The following ATP5F1D variants were observed in gnomAD, a reference collection of about 807,000 sequenced individuals.
ATP5F1D encodes ATP synthase F(1) complex subunit delta, mitochondrial.
Under a neutral mutation model 13.0 loss-of-function variants are expected in ATP5F1D, and 16 were observed. The observed-to-expected ratio is 1.23, with a 90% CI of 0.83 to 1.87. The LOEUF (loss-of-function observed/expected upper bound fraction) is 1.87, where lower values mean the gene tolerates loss of function less well. ATP5F1D is among the 40% of genes most tolerant of loss of function. The pLI is 0.00. For missense variants in ATP5F1D, 294 were observed against 246.2 expected (o/e 1.19, Z -1.30); for synonymous variants, 129 against 116.2 (o/e 1.11, Z -0.71).
In ATP5F1D at chr19:1,241,806, G is replaced by A. The variant is rs2081038177; in HGVS notation, c.-45G>A. 3.9e-6 allele frequency: 5 copies of A among 1,289,552 alleles called. No individual in the cohort carries two copies. The highest frequency in any genetic ancestry group is 4.9e-6 in the Non-Finnish European group (5 of 1,023,386). The allele number at this position is 1,289,552 out of a possible 1,614,324, so 79.9% of individuals were successfully genotyped here. On this transcript the variant is annotated 5_prime_UTR_variant, in exon 1 of 4. Transcript: ENST00000215375. Reference sequence around the variant, plus strand: ...TCCAGGCCGCCCGCGCCGCGCCGGAGTCCGCTGTCCGCCAGCTACCCGCTT... The same window carrying A: ...TCCAGGCCGCCCGCGCCGCGCCGGAATCCGCTGTCCGCCAGCTACCCGCTT...
rs2081054245 is a variant in ATP5F1D, at chr19:1,244,586, C to G, written c.*149C>G. 3 of 1,248,654 alleles carry G rather than the reference C, an allele frequency of 2.4e-6. No individual in the cohort carries two copies. The highest frequency in any genetic ancestry group is 1.6e-5 in the South Asian group (1 of 63,452). The allele number at this position is 1,248,654 out of a possible 1,614,324, so 77.3% of individuals were successfully genotyped here. A position where few individuals can be genotyped will look rare whatever the true frequency, so the allele number is the denominator to read the frequency against. Reference sequence around the variant, plus strand: ...GGCAGTGCAGGCTTCTGCCTGGGCCCCAGGCCCTGCCTGTGTTGAAAGCTC... The same window carrying G: ...GGCAGTGCAGGCTTCTGCCTGGGCCGCAGGCCCTGCCTGTGTTGAAAGCTC... On this transcript the variant is annotated 3_prime_UTR_variant, in exon 4 of 4. Coordinates refer to ENST00000215375, the MANE Select transcript of ATP5F1D (RefSeq NM_001687.5).
Position 1,242,491 on chromosome 19 carries a change from C to T in ATP5F1D, c.177C>T (p.Asp59=), listed in dbSNP as rs1164733704. 4.5e-6 allele frequency: 7 copies of T among 1,541,186 alleles called. No homozygotes were observed. Among genetic ancestry groups the T allele is most frequent in the South Asian group, 1.2e-5 (1 of 83,546 alleles). ...ACGGTGCCAACGTCCGGCAGGTGGA[C>T]GTGCCCACGCTGACCGGAGCCTTCG... ...FFNGANVRQV[D]VPTLTGAFGI... is the part of the protein sequence containing the mutation. Residue 59 remains aspartate, a synonymous_variant, in exon 2 of 4, where the codon GAC becomes GAT. Transcript: ENST00000215375.
Position 1,244,325 on chromosome 19 carries a change from C to G in ATP5F1D, c.395C>G (p.Ala132Gly), listed in dbSNP as rs1343169081. ...LDMLDLGAAKANLEKAQAELV... is the reference protein window; with the variant it reads ...LDMLDLGAAKGNLEKAQAELV... ...CTCAACCCCTTGCAGGCAGCCAAGG[C>G]AAACTTGGAGAAGGCCCAGGCGGAG... The change falls in exon 4 of 4, where the codon GCA becomes GGA. Residue 132 changes from alanine (A) to glycine (G), a missense_variant. By Grantham distance (60) the Ala-to-Gly change is moderately conservative. Transcript: ENST00000215375. 2 of 1,593,748 alleles carry G rather than the reference C, an allele frequency of 1.3e-6. No homozygotes were observed. The highest frequency in any genetic ancestry group is 2.3e-5 in the South Asian group (2 of 88,060).
chr19:1,242,173 G>GGGCACCTCCCCGAGATA, intron 1 of ATP5F1D, 182 bp downstream of exon 1: 1 of 908,648 alleles, frequency 1.1e-6, no homozygotes, highest in Non-Finnish European at 1.5e-6. Flanking sequence ...CCCTCGTCCC[G>GGGCACCTCCCCGAGATA]GGCACCTCCC....
At chr19:1,243,209 G>A (rs2081046517) in intron 2 of ATP5F1D, 1 of 152,328 alleles carries the variant, frequency 6.6e-6, no homozygotes, top group Admixed American at 6.5e-5. Context: ...ACCAATGTAG[G>A]ATGGTCGAAG....
chr19:1,244,468 C>T lies in ATP5F1D; in HGVS notation c.*31C>T. 6.5e-7 allele frequency: 1 copy of T among 1,541,948 alleles called. No homozygotes were observed. Among genetic ancestry groups the T allele is most frequent in the Non-Finnish European group, 8.8e-7 (1 of 1,141,544 alleles). On this transcript the variant is annotated 3_prime_UTR_variant, in exon 4 of 4. Transcript: ENST00000215375. ...GCGTACCCGGTGTCCCGAGGCCCGG[C>T]CAGGGGCTGGGCAGGGATGCCAGGT...
chr19:1,242,847 C>G, intron 2 of ATP5F1D: 1 of 370,998 alleles, frequency 2.7e-6, no homozygotes, highest in Non-Finnish European at 4.5e-6. Context: ...AGAAAACTGG[C>G]CGGGTGCGGT....
rs916740784 is a variant in ATP5F1D, at chr19:1,244,564, A to G, written c.*127A>G. The G allele has an allele frequency of 7.2e-7, 1 of 1,391,442 alleles. No homozygotes were observed. Among genetic ancestry groups the G allele is most frequent in the Non-Finnish European group, 9.6e-7 (1 of 1,042,072 alleles). The allele number at this position is 1,391,442 out of a possible 1,614,324, so 86.2% of individuals were successfully genotyped here. A position where few individuals can be genotyped will look rare whatever the true frequency, so the allele number is the denominator to read the frequency against. On this transcript the variant is annotated 3_prime_UTR_variant, in exon 4 of 4. Coordinates refer to ENST00000215375, the MANE Select transcript of ATP5F1D (RefSeq NM_001687.5). ...CCTGCCAAGGAGGCCACCAGAGGGC[A>G]GTGCAGGCTTCTGCCTGGGCCCCAG...
chr19:1,242,051 A>C (rs2145471324), intron 1 of ATP5F1D, 60 bp downstream of exon 1: 2 of 1,311,170 alleles, frequency 1.5e-6, no homozygotes, highest in Non-Finnish European at 9.7e-7. Context: ...CAGGGTCCCC[A>C]CCCCCAGGGC....
At chr19:1,242,422 G>C (rs762923588) in intron 1 of ATP5F1D, 34 bp from the exon 2 acceptor site, 1 of 1,475,820 alleles carries the variant, frequency 6.8e-7, no homozygotes, top group East Asian at 2.6e-5. Context: ...GGGCCGGCCT[G>C]CCCCGCCATC....
chr19:1,243,116 A>C (rs1226527486), intron 2 of ATP5F1D: 1 of 152,870 alleles, frequency 6.5e-6, no homozygotes, highest in Non-Finnish European at 1.5e-5. Flanking sequence ...AGGTTTGTCC[A>C]CTGAGGAGCC....
rs779958824 is a variant in ATP5F1D at position 1,244,162 on chromosome 19, A to G, written c.361A>G (p.Thr121Ala). The G allele has an allele frequency of 6.2e-7, 1 of 1,612,288 alleles. No homozygotes were observed. Among genetic ancestry groups the G allele is most frequent in the Non-Finnish European group, 8.5e-7 (1 of 1,179,348 alleles). Reference protein sequence around the residue: ...SVQLLAEEAVTLDMLDLGAAK... With the variant: ...SVQLLAEEAVALDMLDLGAAK... ...GCAGTTGTTGGCCGAAGAGGCCGTG[A>G]CGCTGGACATGTTGGACCTGGGGGT... Residue 121 changes from threonine to alanine, a missense_variant, in exon 3 of 4, where the codon ACG (threonine) becomes GCG (alanine). Physicochemically the swap from Thr to Ala is moderately conservative, Grantham distance 58. Transcript: ENST00000215375.
chr19:1,243,133 G>C (rs561520564), intron 2 of ATP5F1D: 1 of 152,850 alleles, frequency 6.5e-6, no homozygotes, highest in Non-Finnish European at 1.5e-5. Context: ...AGCCTGGGCT[G>C]GCCGGTGATG....
chr19:1,242,527 G>A lies in ATP5F1D; in HGVS notation c.213G>A (p.Ala71=). Residue 71 remains alanine, a synonymous_variant, in exon 2 of 4, where the codon GCG becomes GCA. Coordinates refer to ENST00000215375, the MANE Select transcript of ATP5F1D (RefSeq NM_001687.5). ...PTLTGAFGIL[A]AHVPTLQVLR... ...TGACCGGAGCCTTCGGCATCCTGGC[G>A]GCCCACGTGCCCACGCTGCAGGTCC... 6.5e-7 allele frequency: 1 copy of A among 1,549,564 alleles called. No homozygotes were observed. The highest frequency in any genetic ancestry group is 8.7e-7 in the Non-Finnish European group (1 of 1,146,760).
In ATP5F1D at chr19:1,244,375, A is replaced by G. The variant is rs978153054; in HGVS notation, c.445A>G (p.Thr149Ala). Residue 149 changes from threonine (T) to alanine (A), a missense_variant, in exon 4 of 4, where the codon ACG becomes GCG. By Grantham distance (58) the Thr-to-Ala change is moderately conservative. Transcript: ENST00000215375. ...AELVGTADEA[T>A]RAEIQIRIEA... ...GCTGGTGGGGACAGCTGACGAGGCC[A>G]CGCGGGCAGAGATCCAGATCCGAAT... 6.3e-7 allele frequency: 1 copy of G among 1,579,350 alleles called. No homozygotes were observed. Among genetic ancestry groups the G allele is most frequent in the Non-Finnish European group, 8.6e-7 (1 of 1,162,934 alleles).
chr19:1,242,369 G>T, intron 1 of ATP5F1D, 87 bp from the exon 2 acceptor site: 1 of 1,407,582 alleles, frequency 7.1e-7, no homozygotes, highest in South Asian at 1.5e-5. Context: ...GTCCTGCCCT[G>T]ACCCATTACT....
At position 1,242,487 on chromosome 19, in the gene ATP5F1D, T is replaced by C. The variant is rs1294282107; in HGVS notation, c.173T>C (p.Val58Ala). ...VFFNGANVRQVDVPTLTGAFG... is the reference protein window; with the variant it reads ...VFFNGANVRQADVPTLTGAFG... ...TTCAACGGTGCCAACGTCCGGCAGG[T>C]GGACGTGCCCACGCTGACCGGAGCC... The change falls in exon 2 of 4, where the codon GTG becomes GCG. Residue 58 changes from valine (V) to alanine (A), a missense_variant. Physicochemically the swap from Val to Ala is moderately conservative, Grantham distance 64. Transcript: ENST00000215375. 1 of 1,541,060 alleles carries C rather than the reference T, an allele frequency of 6.5e-7. No homozygotes were observed. The highest frequency in any genetic ancestry group is 1.2e-5 in the South Asian group (1 of 83,590).
rs764587708 is a variant in ATP5F1D, at chr19:1,242,632, G to A, written c.295+23G>A. 36 of 1,484,526 alleles carry A rather than the reference G, an allele frequency of 2.4e-5. 1 individual carries two copies. In the African/African-American group the frequency reaches 2.8e-4, roughly 12 times the overall value. 92.0% of individuals were successfully genotyped at this position (1,484,526 alleles called of 1,614,324 possible). On this transcript the variant is annotated intron_variant, in intron 2 of 3. Coordinates refer to ENST00000215375, the MANE Select transcript of ATP5F1D (RefSeq NM_001687.5). ...TTGGTGAGTCCGGTGGAGGGCTGCA[G>A]GGCCAGGCCAGGCTGGGGCTCCACA...
At chr19:1,243,925 C>G in intron 2 of ATP5F1D, 172 bp from the exon 3 acceptor site, 2 of 653,534 alleles carry the variant, frequency 3.1e-6, no homozygotes. Flanking sequence ...AGCAGTTGCC[C>G]GCCATGTTGG....
Sources: gnomAD v4.1 joint callset for allele counts on GRCh38, gnomAD v4.1.1 for gene constraint, MANE v1.5 for transcripts, NCBI Gene and HGNC (gene_info 2026-07-23, HGNC 2026-07-21) for gene names.